Variants in RYK observed in about 807,000 individuals in gnomAD.
RYK encodes inactive tyrosine-protein kinase RYK.
A neutral mutation model predicts 70.2 loss-of-function variants in RYK; 21 were observed. The ratio of observed to expected loss-of-function variants is 0.30; its 90% CI spans 0.21 to 0.43. The LOEUF (loss-of-function observed/expected upper bound fraction) is 0.43, where lower values mean the gene tolerates loss of function less well. Ranked by LOEUF, RYK falls within the 20% of genes least tolerant of loss-of-function variation. RYK has a pLI of 1.00. For synonymous variants in RYK, 267 were observed against 278.0 expected (o/e 0.96, Z 0.39); for missense variants, 604 against 753.3 (o/e 0.80, Z 2.32).
At position 134,172,191 on chromosome 3, in the gene RYK, C is replaced by T. The variant is rs80192311; in HGVS notation, c.1575+3418G>A. Among the ~76,000 whole-genome samples, 580 of 152,172 alleles carry T rather than the reference C, an allele frequency of 3.8e-3. 4 individuals are homozygous for T. The highest frequency in any genetic ancestry group is 0.012 in the African/African-American group (496 of 41,514). On this transcript the variant is annotated intron_variant, in intron 13 of 14. Transcript: ENST00000623711. ...TAAAAAAATTAACATCCCAAAGAGACGAGTGAATCCATCTTTTAAATCAAC... is the reference window on the plus strand; with the variant it reads ...TAAAAAAATTAACATCCCAAAGAGATGAGTGAATCCATCTTTTAAATCAAC...
chr3:134,237,024 C>T (rs908643874), intron 1 of RYK, among the ~76,000 whole-genome samples: 5 of 151,976 alleles, frequency 3.3e-5, no homozygotes, highest in African/African-American at 7.2e-5. Context: ...GGCATTTTTT[C>T]AAAATTTTAT....
intron 6 of RYK, among the ~76,000 whole-genome samples, chr3:134,201,248 C>G (rs532567765): frequency 6.6e-6 from 1 of 152,330 alleles, no homozygotes. Context: ...CCTTCTCATT[C>G]GTATCCCTTT....
rs546000257 is a variant in RYK at position 134,244,493 on chromosome 3, T to C, written c.232+5930A>G. On this transcript the variant is annotated intron_variant, in intron 1 of 14. Coordinates refer to ENST00000623711, the MANE Select transcript of RYK (RefSeq NM_002958.4). ...AGGACTGAGTCAAGACCTGGCCTTC[T>C]ACTCACTGTCCAAAAGGCCCTGAAT... Among the ~76,000 whole-genome samples the C allele has an allele frequency of 1.6e-4, 24 of 152,264 alleles. No individual in the cohort carries two copies. In the East Asian group the frequency reaches 4.2e-3, roughly 27 times the overall value.
chr3:134,242,661 A>T (rs970399107), intron 1 of RYK, among the ~76,000 whole-genome samples: 3 of 152,238 alleles, frequency 2.0e-5, no homozygotes, highest in Non-Finnish European at 4.4e-5. Flanking sequence ...AAACACCAAA[A>T]GTAATGCTAT....
chr3:134,239,972 G>A (rs2015280696), intron 1 of RYK, among the ~76,000 whole-genome samples: 1 of 152,156 alleles, frequency 6.6e-6, no homozygotes, highest in Admixed American at 6.5e-5. Flanking sequence ...TCCAGGGTGA[G>A]AAGGAGTCTG....
In RYK at chr3:134,169,202, G is replaced by A. The variant is rs145643865; in HGVS notation, c.1575+6407C>T. ...CTTGACTTGTTTTTCTTAAGAAAATGCTTCTTAAACACAATGTAATACTAT... is the reference window on the plus strand; with the variant it reads ...CTTGACTTGTTTTTCTTAAGAAAATACTTCTTAAACACAATGTAATACTAT... On this transcript the variant is annotated intron_variant, in intron 13 of 14. Coordinates refer to ENST00000623711, the MANE Select transcript of RYK (RefSeq NM_002958.4). Among the ~76,000 whole-genome samples the A allele has an allele frequency of 1.2e-3, 182 of 152,234 alleles. 1 individual carries two copies. Among genetic ancestry groups the A allele is most frequent in the African/African-American group, 3.7e-3 (155 of 41,540 alleles).
At chr3:134,196,618 C>CACACACAT (rs1553770866) in intron 6 of RYK, among the ~76,000 whole-genome samples, 8 of 151,010 alleles carry the variant, frequency 5.3e-5, no homozygotes, top group African/African-American at 2.0e-4. Flanking sequence ...CACACACACA[C>CACACACAT]ACACACACAC....
chr3:134,189,755 A>C (rs948097794), intron 8 of RYK, among the ~76,000 whole-genome samples: 8 of 150,740 alleles, frequency 5.3e-5, no homozygotes, highest in Admixed American at 6.6e-5. Flanking sequence ...AAAAAAAAAA[A>C]AAAAACAAAA....
intron 9 of RYK, among the ~76,000 whole-genome samples, chr3:134,185,125 C>A (rs1416874038): frequency 7.3e-6 from 1 of 136,900 alleles, no homozygotes; most frequent in Non-Finnish European, 1.6e-5. Flanking sequence ...CAGAGTGAGA[C>A]CCCATCTATA....
chr3:134,173,107 A>G (rs1404234964), intron 13 of RYK, among the ~76,000 whole-genome samples: 1 of 152,124 alleles, frequency 6.6e-6, no homozygotes, highest in Non-Finnish European at 1.5e-5. Flanking sequence ...GATATATAAA[A>G]TGAAAGACCT....
intron 2 of RYK, among the ~76,000 whole-genome samples, chr3:134,219,725 A>C (rs1462280092): frequency 2.0e-5 from 3 of 152,172 alleles, no homozygotes; most frequent in African/African-American, 7.2e-5. Flanking sequence ...AAATTCAGTA[A>C]CAACCACTCC....
At chr3:134,229,276 C>T (rs1468859342) in intron 1 of RYK, among the ~76,000 whole-genome samples, 2 of 151,226 alleles carry the variant, frequency 1.3e-5, no homozygotes, top group Non-Finnish European at 3.0e-5. Flanking sequence ...CCCTCCGCCT[C>T]GCACTCTCTC....
At position 134,158,725 on chromosome 3, in the gene RYK, G is replaced by A. The variant is rs148160779; in HGVS notation, c.1713-461C>T. 2.9e-3 allele frequency among the ~76,000 whole-genome samples: 449 copies of A among 152,256 alleles called. 2 individuals are homozygous for A. The highest frequency in any genetic ancestry group is 0.01 in the African/African-American group (424 of 41,542). On this transcript the variant is annotated intron_variant, in intron 14 of 14. Transcript: ENST00000623711. ...ACTCATCTGTACGATCAATCACCCTGCATAGCCTCCTGTTTATCCCATTCT... is the reference window on the plus strand; with the variant it reads ...ACTCATCTGTACGATCAATCACCCTACATAGCCTCCTGTTTATCCCATTCT...
intron 1 of RYK, among the ~76,000 whole-genome samples, chr3:134,229,055 T>TA (rs1447438170): frequency 5.9e-5 from 9 of 151,772 alleles, no homozygotes; most frequent in Admixed American, 5.9e-4. Context: ...GGGTTACAAG[T>TA]AAAAAAATAA....
At chr3:134,207,325 C>T (rs2014246297) in intron 5 of RYK, 147 bp downstream of exon 5, 1 of 449,448 alleles carries the variant, frequency 2.2e-6, no homozygotes, top group African/African-American at 2.0e-5. Context: ...GACCTATCCA[C>T]CAGTCTACAA....
chr3:134,247,943 C>G lies in RYK; in HGVS notation c.232+2480G>C, dbSNP rs192447563. On this transcript the variant is annotated intron_variant, in intron 1 of 14. Coordinates refer to ENST00000623711, the MANE Select transcript of RYK (RefSeq NM_002958.4). ...TCTGTAGTGATTCTAAAATACGGTG[C>G]AAAGCTACTATTCCAAGAAGCCTTA... Among the ~76,000 whole-genome samples, 149 of 152,290 alleles carry G rather than the reference C, an allele frequency of 9.8e-4. 1 individual carries two copies. Among genetic ancestry groups the G allele is most frequent in the Non-Finnish European group, 1.9e-3 (129 of 68,022 alleles).
intron 2 of RYK, among the ~76,000 whole-genome samples, chr3:134,215,800 G>C (rs192909970): frequency 6.6e-6 from 1 of 152,244 alleles, no homozygotes; most frequent in East Asian, 1.9e-4. Context: ...CATTCTGGGA[G>C]GTCAATGCAG....
At chr3:134,202,705 T>C in intron 6 of RYK, 25 bp downstream of exon 6, 1 of 1,606,988 alleles carries the variant, frequency 6.2e-7, no homozygotes, top group Non-Finnish European at 8.5e-7. Flanking sequence ...TTCATTTTTT[T>C]TCTTTCCCAA....
chr3:134,173,905 T>C (rs1286890498), intron 13 of RYK, among the ~76,000 whole-genome samples: 3 of 152,240 alleles, frequency 2.0e-5, no homozygotes, highest in Non-Finnish European at 4.4e-5. Flanking sequence ...TTTCAATTAT[T>C]GACTGCAGTG....
Sources: allele counts gnomAD v4.1 joint callset (sites outside exome capture counted in the v4.1 genomes callset), GRCh38; gene constraint gnomAD v4.1.1; transcripts MANE v1.5; gene names NCBI Gene and HGNC (gene_info 2026-07-23, HGNC 2026-07-21).